PTPRK: variants seen among roughly 807,000 people sequenced by gnomAD.
PTPRK encodes the protein protein tyrosine phosphatase receptor type K, also known as receptor-type tyrosine-protein phosphatase kappa.
In PTPRK, 75 loss-of-function variants were observed where a neutral mutation model predicts 178.0. The observed-to-expected ratio is 0.42, with a 90% CI of 0.35 to 0.51. The LOEUF is 0.51. Ranked by LOEUF, PTPRK falls within the 20% of genes least tolerant of loss-of-function variation. PTPRK has a pLI of 0.02. For synonymous variants in PTPRK, 637 were observed against 620.6 expected (o/e 1.03, Z -0.39); for missense variants, 1,441 against 1,797.8 (o/e 0.80, Z 3.59).
chr6:128,398,732 A>G (rs1840661884), intron 1 of PTPRK, among the ~76,000 whole-genome samples: 1 of 152,144 alleles, frequency 6.6e-6, no homozygotes, highest in Non-Finnish European at 1.5e-5. Context: ...ATGATTTAAA[A>G]GGTTGGGGGT....
intron 7 of PTPRK, among the ~76,000 whole-genome samples, chr6:128,127,060 A>T (rs1468582763): frequency 6.6e-6 from 1 of 151,688 alleles, no homozygotes; most frequent in Non-Finnish European, 1.5e-5. Flanking sequence ...TCTTCATTGG[A>T]TCATCTTTGT....
chr6:128,014,734 T>G (rs970383168), intron 13 of PTPRK, among the ~76,000 whole-genome samples: 2 of 151,642 alleles, frequency 1.3e-5, no homozygotes, highest in African/African-American at 4.8e-5. Flanking sequence ...AAAGCACATG[T>G]TATTTATTAC....
chr6:128,150,720 T>C (rs1797125716), intron 7 of PTPRK, among the ~76,000 whole-genome samples: 1 of 152,216 alleles, frequency 6.6e-6, no homozygotes, highest in South Asian at 2.1e-4. Flanking sequence ...TGTCTAAGTA[T>C]AAAACTACTG....
rs1407701569 is a variant in PTPRK, at chr6:128,464,674, T to TATATATAC, written c.100+55584_100+55585insGTATATAT. Among the ~76,000 whole-genome samples, 336 of 124,732 alleles carry TATATATAC rather than the reference T, an allele frequency of 2.7e-3. 9 individuals carry two copies. The highest frequency in any genetic ancestry group is 7.8e-3 in the African/African-American group (253 of 32,352). 81.8% of individuals were successfully genotyped at this position (124,732 alleles called of 152,430 possible). A position where few individuals can be genotyped will look rare whatever the true frequency, so the allele number is the denominator to read the frequency against. On this transcript the variant is annotated intron_variant, in intron 1 of 29. Coordinates refer to ENST00000368226, the MANE Select transcript of PTPRK (RefSeq NM_002844.4). Reference sequence around the variant, plus strand: ...ATATATATATATATATATATATATATACAACAGATGGTCACACAACAGCTC... The same window carrying TATATATAC: ...ATATATATATATATATATATATATATATATATACACAACAGATGGTCACACAACAGCTC...
intron 2 of PTPRK, among the ~76,000 whole-genome samples, chr6:128,353,396 C>G (rs748439025): frequency 1.4e-4 from 21 of 152,028 alleles, no homozygotes; most frequent in Admixed American, 6.6e-5. Flanking sequence ...TTTATGTTCA[C>G]ACAAAAACAT....
intron 7 of PTPRK, among the ~76,000 whole-genome samples, chr6:128,110,216 G>A (rs183187219): frequency 4.6e-5 from 7 of 152,148 alleles, no homozygotes; most frequent in Admixed American, 3.3e-4. Flanking sequence ...GAGCCACCAT[G>A]CCCAACCTAT....
chr6:128,468,356 C>T (rs1229503316), intron 1 of PTPRK, among the ~76,000 whole-genome samples: 1 of 152,104 alleles, frequency 6.6e-6, no homozygotes, highest in African/African-American at 2.4e-5. Context: ...CAGCATCACA[C>T]AAATCCTGAA....
chr6:128,193,289 A>G (rs1315347991), intron 6 of PTPRK, among the ~76,000 whole-genome samples: 1 of 151,084 alleles, frequency 6.6e-6, no homozygotes. Context: ...TGAAAAAAAA[A>G]AAAAAAAAAA....
intron 1 of PTPRK, among the ~76,000 whole-genome samples, chr6:128,439,868 C>T (rs1253449220): frequency 2.0e-5 from 3 of 152,158 alleles, no homozygotes; most frequent in Admixed American, 1.3e-4. Flanking sequence ...TACATTCTGA[C>T]TCATACTAGA....
At chr6:128,002,766 C>T (rs1400990594) in intron 15 of PTPRK, among the ~76,000 whole-genome samples, 2 of 151,830 alleles carry the variant, frequency 1.3e-5, no homozygotes, top group African/African-American at 2.4e-5. Context: ...GCACATAATC[C>T]TAATATTTAC....
In PTPRK at chr6:128,519,111, A is replaced by G; in HGVS notation, c.100+1148T>C. On this transcript the variant is annotated intron_variant, in intron 1 of 29. Coordinates refer to ENST00000368226, the MANE Select transcript of PTPRK (RefSeq NM_002844.4). This position sits in a 1 kb window ranked among gnomAD's most constrained non-coding sequence, Gnocchi z 4.3. ...CGTCTCCATCTGCACCGCGAACCCC[A>G]GCAGCAGATGCGCTCGCCAGCCAAG... The G allele has an allele frequency of 1.9e-6, 1 of 530,226 alleles. No homozygotes were observed. The highest frequency in any genetic ancestry group is 3.9e-6 in the Non-Finnish European group (1 of 258,672). 32.8% of individuals were successfully genotyped at this position (530,226 alleles called of 1,614,324 possible). A position where few individuals can be genotyped will look rare whatever the true frequency, so the allele number is the denominator to read the frequency against.
At chr6:127,972,894 A>G in intron 29 of PTPRK, 128 bp downstream of exon 29, 3 of 888,258 alleles carry the variant, frequency 3.4e-6, no homozygotes, top group Non-Finnish European at 3.5e-6. Flanking sequence ...TTAATTAGGC[A>G]GGAAAGTCCC....
intron 13 of PTPRK, among the ~76,000 whole-genome samples, chr6:128,024,733 C>T (rs1774030179): frequency 6.6e-6 from 1 of 152,116 alleles, no homozygotes; most frequent in Non-Finnish European, 1.5e-5. Flanking sequence ...TTGCAACCTC[C>T]TGGGAGGCAG....
chr6:128,423,219 A>G (rs1297509517), intron 1 of PTPRK, among the ~76,000 whole-genome samples: 1 of 152,222 alleles, frequency 6.6e-6, no homozygotes. Context: ...AAGCCATCAC[A>G]AACAGATTTC....
intron 7 of PTPRK, among the ~76,000 whole-genome samples, chr6:128,139,243 T>A (rs1046934280): frequency 6.6e-6 from 1 of 152,030 alleles, no homozygotes; most frequent in Non-Finnish European, 1.5e-5. Flanking sequence ...CTGCAAGCAG[T>A]GGTAAACCTC....
At chr6:128,491,186 T>A (rs925021189) in intron 1 of PTPRK, among the ~76,000 whole-genome samples, 3 of 152,238 alleles carry the variant, frequency 2.0e-5, no homozygotes. Context: ...TAAGCCCCAT[T>A]AAATTCACAT....
chr6:128,093,448 A>T (rs1787337601), intron 7 of PTPRK, among the ~76,000 whole-genome samples: 1 of 151,794 alleles, frequency 6.6e-6, no homozygotes, highest in South Asian at 2.1e-4. Context: ...ACAAAAAATT[A>T]GCCAGGTGTA....
At chr6:128,494,670 A>G (rs1346971591) in intron 1 of PTPRK, among the ~76,000 whole-genome samples, 1 of 152,266 alleles carries the variant, frequency 6.6e-6, no homozygotes, top group Non-Finnish European at 1.5e-5. Flanking sequence ...ATAAAATATT[A>G]CAACACTTCA....
At chr6:128,303,418 C>T (rs574790324) in intron 3 of PTPRK, among the ~76,000 whole-genome samples, 65 of 152,266 alleles carry the variant, frequency 4.3e-4, no homozygotes, top group African/African-American at 1.5e-3. Flanking sequence ...GGAGTGAAAG[C>T]GGCCCCATAG....
Sources: allele counts gnomAD v4.1 joint callset (sites outside exome capture counted in the v4.1 genomes callset), GRCh38; gene constraint gnomAD v4.1.1; non-coding constraint Gnocchi (gnomAD v3.1); transcripts MANE v1.5; gene names NCBI Gene and HGNC (gene_info 2026-07-23, HGNC 2026-07-21).